Variants in KCNQ5 observed in about 807,000 individuals in gnomAD.
KCNQ5 encodes potassium voltage-gated channel subfamily KQT member 5.
In KCNQ5, 30 loss-of-function variants were observed where a neutral mutation model predicts 98.2. The ratio of observed to expected loss-of-function variants is 0.31; its 90% CI spans 0.23 to 0.41. The LOEUF (loss-of-function observed/expected upper bound fraction) is 0.41. Among genes scored for constraint, KCNQ5 ranks in the 10% least tolerant of loss-of-function variants. The pLI is 1.00. For missense variants in KCNQ5, 835 were observed against 1,182.5 expected (o/e 0.71, Z 4.31); for synonymous variants, 458 against 449.4 (o/e 1.02, Z -0.24).
chr6:72,625,625 A>C (rs1322020386), intron 1 of KCNQ5, among the ~76,000 whole-genome samples: 5 of 152,208 alleles, frequency 3.3e-5, no homozygotes, highest in Non-Finnish European at 7.3e-5. Context: ...TTGCAGATAC[A>C]TGTAATTGAT....
rs563387388 is a variant in KCNQ5, at chr6:72,934,707, C to T, written c.399-69201C>T. On this transcript the variant is annotated intron_variant, in intron 1 of 13. Transcript: ENST00000370398. ...ATCCTATGCTGAAGGAATCCTAGTA[C>T]TCCATCTTGGTAACAGGAGGCTCTT... is the stretch of plus-strand genomic sequence containing the variant. Among the ~76,000 whole-genome samples, 3 of 152,316 alleles carry T rather than the reference C, an allele frequency of 2.0e-5. No individual in the cohort carries two copies. The East Asian group carries it at 5.8e-4, about 29-fold the overall frequency.
intron 3 of KCNQ5, among the ~76,000 whole-genome samples, chr6:73,062,512 C>G (rs528507578): frequency 6.6e-6 from 1 of 151,994 alleles, no homozygotes; most frequent in Non-Finnish European, 1.5e-5. Context: ...CGTCATCCCC[C>G]CGGCCCCCAT....
intron 1 of KCNQ5, among the ~76,000 whole-genome samples, chr6:72,784,747 A>G (rs992043327): frequency 3.9e-5 from 6 of 152,198 alleles, no homozygotes; most frequent in African/African-American, 1.4e-4. Flanking sequence ...ATGGGAAAAG[A>G]TCTTCTTCGA....
At chr6:73,053,058 C>G (rs1232550354) in intron 3 of KCNQ5, among the ~76,000 whole-genome samples, 1 of 152,076 alleles carries the variant, frequency 6.6e-6, no homozygotes, top group African/African-American at 2.4e-5. Flanking sequence ...AAAAATCTAC[C>G]AAGCAAATGG....
chr6:73,103,573 A>G (rs959602764), intron 5 of KCNQ5, among the ~76,000 whole-genome samples: 19 of 152,208 alleles, frequency 1.2e-4, no homozygotes, highest in African/African-American at 4.3e-4. Flanking sequence ...AACATGGCAC[A>G]TGTATACATA....
intron 5 of KCNQ5, among the ~76,000 whole-genome samples, chr6:73,101,227 G>T (rs1336311045): frequency 2.6e-5 from 4 of 152,094 alleles, no homozygotes; most frequent in Non-Finnish European, 5.9e-5. Flanking sequence ...AACATTGATG[G>T]AAAAATCCTT....
chr6:72,769,971 A>G (rs370096208), intron 1 of KCNQ5, among the ~76,000 whole-genome samples: 5 of 152,130 alleles, frequency 3.3e-5, no homozygotes, highest in African/African-American at 1.2e-4. Context: ...CCTCCTGGAC[A>G]GGGCTTGCCT....
intron 11 of KCNQ5, among the ~76,000 whole-genome samples, chr6:73,181,410 C>T (rs1778399801): frequency 6.6e-6 from 1 of 152,178 alleles, no homozygotes. Flanking sequence ...CAGCCTTTTG[C>T]TGGTCCTCCA....
At chr6:73,008,567 A>G (rs1189918864) in intron 2 of KCNQ5, among the ~76,000 whole-genome samples, 1 of 152,222 alleles carries the variant, frequency 6.6e-6, no homozygotes, top group Non-Finnish European at 1.5e-5. Context: ...AGATGTAATA[A>G]TTATAAACAT....
Position 72,625,037 on chromosome 6 carries a change from C to T in KCNQ5, c.398+2450C>T, listed in dbSNP as rs138987533. Among the ~76,000 whole-genome samples the T allele has an allele frequency of 1.0e-3, 156 of 152,286 alleles. 1 individual carries two copies. The highest frequency in any genetic ancestry group is 3.5e-3 in the African/African-American group (147 of 41,558). On this transcript the variant is annotated intron_variant, in intron 1 of 13. Coordinates refer to ENST00000370398, the MANE Select transcript of KCNQ5 (RefSeq NM_019842.4). The stretch of plus-strand genomic sequence containing the variant: ...GAATCCCCAAATCTTATTTTAATAA[C>T]AGTATTTGTAGCATATTAAGGTTCT...
intron 10 of KCNQ5, among the ~76,000 whole-genome samples, chr6:73,168,141 A>C (rs1047040317): frequency 6.6e-6 from 1 of 152,204 alleles, no homozygotes; most frequent in African/African-American, 2.4e-5. Flanking sequence ...CACCGCCTGC[A>C]TTACAGCACA....
intron 1 of KCNQ5, among the ~76,000 whole-genome samples, chr6:72,692,379 C>A (rs753161280): frequency 6.6e-6 from 1 of 152,214 alleles, no homozygotes; most frequent in African/African-American, 2.4e-5. Context: ...CGAGAAACAT[C>A]TGCCTGCAGC....
chr6:72,656,113 G>T (rs1256186672), intron 1 of KCNQ5, among the ~76,000 whole-genome samples: 1 of 152,050 alleles, frequency 6.6e-6, no homozygotes, highest in African/African-American at 2.4e-5. Flanking sequence ...CTGTATTAAT[G>T]GTGTCTTCTC....
At chr6:73,079,904 T>C (rs1225722197) in intron 5 of KCNQ5, among the ~76,000 whole-genome samples, 2 of 152,216 alleles carry the variant, frequency 1.3e-5, no homozygotes, top group African/African-American at 4.8e-5. Context: ...TTCAAAGCAA[T>C]GGTTTGAATT....
intron 1 of KCNQ5, among the ~76,000 whole-genome samples, chr6:72,908,505 A>G (rs984381640): frequency 2.0e-5 from 3 of 152,166 alleles, no homozygotes; most frequent in African/African-American, 7.2e-5. Flanking sequence ...TGTAATTTTG[A>G]TCTTTATTTT....
rs28537994 is a variant in KCNQ5 at position 73,158,278 on chromosome 6, T to G, written c.1469-11468T>G. On this transcript the variant is annotated intron_variant, in intron 10 of 13. Transcript: ENST00000370398. ...GATTTTTTTTTTTTTTTTTTTTTTTTTTTTTGTGGAGACGGAGTCTCCCTC... is the reference window on the plus strand; with the variant it reads ...GATTTTTTTTTTTTTTTTTTTTTTTGTTTTTGTGGAGACGGAGTCTCCCTC... 418 of 191,692 alleles carry G rather than the reference T, an allele frequency of 2.2e-3. 6 individuals are homozygous for G. The highest frequency in any genetic ancestry group is 7.7e-3 in the African/African-American group (322 of 41,552). 11.9% of individuals were successfully genotyped at this position (191,692 alleles called of 1,614,324 possible). A position where few individuals can be genotyped will look rare whatever the true frequency, so the allele number is the denominator to read the frequency against.
intron 1 of KCNQ5, among the ~76,000 whole-genome samples, chr6:72,902,752 G>C (rs1275118322): frequency 6.6e-6 from 1 of 152,100 alleles, no homozygotes; most frequent in African/African-American, 2.4e-5. Flanking sequence ...CTAGTATTTT[G>C]TTGATGATCT....
intron 1 of KCNQ5, among the ~76,000 whole-genome samples, chr6:72,697,440 AT>A (rs1476083556): frequency 6.6e-6 from 1 of 152,192 alleles, no homozygotes; most frequent in Non-Finnish European, 1.5e-5. Flanking sequence ...CAAATTCTAG[AT>A]TTATTCCTAG....
chr6:73,101,375 T>C (rs968347736), intron 5 of KCNQ5, among the ~76,000 whole-genome samples: 30 of 152,128 alleles, frequency 2.0e-4, no homozygotes, highest in Admixed American at 6.5e-5. Flanking sequence ...TTCACCACTG[T>C]TATTCAACAT....
Sources: allele counts gnomAD v4.1 joint callset (sites outside exome capture counted in the v4.1 genomes callset), GRCh38; gene constraint gnomAD v4.1.1; transcripts MANE v1.5; gene names NCBI Gene and HGNC (gene_info 2026-07-23, HGNC 2026-07-21).